COX15: variants seen among roughly 807,000 people sequenced by gnomAD.
The protein encoded by COX15 is heme A synthase COX15.
A neutral mutation model predicts 51.9 loss-of-function variants in COX15; 51 were observed. The observed-to-expected ratio is 0.98, with a 90% CI of 0.78 to 1.24. The LOEUF (loss-of-function observed/expected upper bound fraction) is 1.24. Among genes scored for constraint, COX15 ranks in the 50% most tolerant of loss-of-function variants. The pLI is 0.00. For missense variants in COX15, 420 were observed against 501.1 expected, an observed-to-expected ratio of 0.84 and a Z score of 1.55; for synonymous variants, 188 against 190.5, an observed-to-expected ratio of 0.99 and a Z score of 0.11.
chr10:99,698,969 C>T, the COX15 span: 1 of 1,008,344 alleles, frequency 9.9e-7, no homozygotes, highest in African/African-American at 1.6e-5. Context: ...CTCACTTGTT[C>T]TTTGCAGGAG....
chr10:99,718,406 G>T lies in COX15; in HGVS notation c.927C>A (p.Ser309=). 6.2e-7 allele frequency: 1 copy of T among 1,614,094 alleles called. No individual in the cohort carries two copies. Among genetic ancestry groups the T allele is most frequent in the Non-Finnish European group, 8.5e-7 (1 of 1,180,008 alleles). ...SWIPEDLFTF[S]PILRNVFENP... The stretch of plus-strand genomic sequence containing the variant: ...TCTCAAAAACATTCCTCAGGATGGG[G>T]GAGAAGGTAAAGAGGTCCTCCGGGA... Residue 309 remains serine, a synonymous_variant, in exon 7 of 9, where the codon TCC becomes TCA. Transcript: ENST00000016171.
chr10:99,713,261 C>A lies in COX15; in HGVS notation c.*1326G>T. 6.7e-7 allele frequency: 1 copy of A among 1,493,960 alleles called. No individual in the cohort carries two copies. 92.5% of individuals were successfully genotyped at this position (1,493,960 alleles called of 1,614,324 possible). A position where few individuals can be genotyped will look rare whatever the true frequency, so the allele number is the denominator to read the frequency against. On this transcript the variant is annotated 3_prime_UTR_variant, in exon 9 of 9. Transcript: ENST00000016171. ...TATGAAATGATATAAGGCCAGGTTT[C>A]TTCAGCCCAAACTTATACAACTTAT...
At position 99,732,121 on chromosome 10, in the gene COX15, G is replaced by T. The variant is rs546862921; in HGVS notation, c.-72C>A. 1 of 1,567,088 alleles carries T rather than the reference G, an allele frequency of 6.4e-7. No individual in the cohort carries two copies. The highest frequency in any genetic ancestry group is 8.7e-7 in the Non-Finnish European group (1 of 1,155,476). ...GGTCTCCCTCCTCCGCCAAGGAAAA[G>T]AGAAGCACTTCCGGGTCGGGCAGCG... On this transcript the variant is annotated 5_prime_UTR_variant, in exon 1 of 9. Transcript: ENST00000016171.
chr10:99,698,781 G>A, the COX15 span: 1 of 1,614,196 alleles, frequency 6.2e-7, no homozygotes, highest in South Asian at 1.1e-5. Context: ...CGGCTTCTCT[G>A]AGTTTTTTTA....
At chr10:99,717,217 C>T (rs1003474804) in intron 7 of COX15, among the ~76,000 whole-genome samples, 10 of 152,154 alleles carry the variant, frequency 6.6e-5, no homozygotes, top group African/African-American at 2.4e-4. Flanking sequence ...CAACATACCT[C>T]CATCTGATGA....
the COX15 span, chr10:99,704,718 C>T: frequency 4.3e-5 from 68 of 1,566,246 alleles, no homozygotes; most frequent in Middle Eastern, 1.8e-4. Flanking sequence ...TGAGCACCCC[C>T]GAGTTGCTGC....
rs556026559 is a variant in COX15, at chr10:99,718,400, G to C, written c.933C>G (p.Ile311Met). The change falls in exon 7 of 9, where the codon ATC becomes ATG. Residue 311 changes from isoleucine to methionine, a missense_variant. Ile to Met is a conservative substitution (Grantham distance 10). Transcript: ENST00000016171. ...TGGGATTCTCAAAAACATTCCTCAG[G>C]ATGGGGGAGAAGGTAAAGAGGTCCT... ...IPEDLFTFSP[I>M]LRNVFENPTM... 46 of 1,614,090 alleles carry C rather than the reference G, an allele frequency of 2.8e-5. No homozygotes were observed. In the Admixed American group the frequency reaches 7.7e-4, roughly 27 times the overall value.
Position 99,727,515 on chromosome 10 carries a change from C to T in COX15, c.321G>A (p.Glu107=). 1.2e-6 allele frequency: 2 copies of T among 1,613,834 alleles called. No homozygotes were observed. The highest frequency in any genetic ancestry group is 1.1e-5 in the South Asian group (1 of 91,080). The stretch of plus-strand genomic sequence containing the variant: ...CCTCTTGGCTTGTAGGTGGCTTCAT[C>T]TCCTTTATTAAATGCCAATCTACCA... The part of the protein sequence containing the change: ...LSMVDWHLIK[E]MKPPTSQEEW... Residue 107 remains glutamate (E), a synonymous_variant, in exon 3 of 9, where the codon GAG becomes GAA. Transcript: ENST00000016171.
Position 99,713,224 on chromosome 10 carries a change from C to T in COX15, c.*1363G>A, listed in dbSNP as rs1208388768. The T allele has an allele frequency of 1.0e-5, 14 of 1,399,738 alleles. No individual in the cohort carries two copies. Among genetic ancestry groups the T allele is most frequent in the Non-Finnish European group, 1.2e-5 (13 of 1,059,530 alleles). 86.7% of individuals were successfully genotyped at this position (1,399,738 alleles called of 1,614,324 possible). A position where few individuals can be genotyped will look rare whatever the true frequency, so the allele number is the denominator to read the frequency against. The stretch of plus-strand genomic sequence containing the variant: ...ATTGAACCTGAGGACAACTAAAATC[C>T]CGTCTTTTTTATATGAAATGATATA... On this transcript the variant is annotated 3_prime_UTR_variant, in exon 9 of 9. Transcript: ENST00000016171.
chr10:99,731,789 C>T (rs796906424), intron 1 of COX15, among the ~76,000 whole-genome samples, 171 bp downstream of exon 1: 3 of 152,370 alleles, frequency 2.0e-5, no homozygotes, highest in African/African-American at 7.2e-5. Flanking sequence ...CAATACCACA[C>T]AGCAGGTCAA....
intron 5 of COX15, among the ~76,000 whole-genome samples, chr10:99,721,464 A>G (rs2036768948): frequency 6.6e-6 from 1 of 152,222 alleles, no homozygotes; most frequent in Non-Finnish European, 1.5e-5. Flanking sequence ...CATGTGTGTG[A>G]TATTAGTGTT....
chr10:99,695,272 C>A, the COX15 span, among the ~76,000 whole-genome samples: 2 of 152,116 alleles, frequency 1.3e-5, no homozygotes, highest in Non-Finnish European at 2.9e-5. Context: ...CACCTGTAAT[C>A]CCAGCACTTT....
chr10:99,704,477 C>G, the COX15 span: 2 of 1,614,246 alleles, frequency 1.2e-6, no homozygotes, highest in Non-Finnish European at 1.7e-6. Flanking sequence ...AGGTGTCCGA[C>G]AAGCCCATGG....
chr10:99,727,076 A>C lies in COX15; in HGVS notation c.474T>G (p.Leu158=), dbSNP rs148525464. The change falls in exon 4 of 9, where the codon CTT becomes CTG. Residue 158 remains leucine (L), a synonymous_variant. Transcript: ENST00000016171. ...CAGGCAGGATGTACACAAGGCCTAC[A>C]AGGCGACCCCACATTCGGTGTGAGT... is the stretch of plus-strand genomic sequence containing the variant. ...MEYSHRMWGR[L]VGLVYILPAA... The C allele has an allele frequency of 6.2e-7, 1 of 1,614,204 alleles. No homozygotes were observed. The highest frequency in any genetic ancestry group is 8.5e-7 in the Non-Finnish European group (1 of 1,180,024).
At chr10:99,723,798 C>T (rs1021506096) in intron 5 of COX15, among the ~76,000 whole-genome samples, 158 bp downstream of exon 5, 10 of 152,152 alleles carry the variant, frequency 6.6e-5, no homozygotes. Context: ...TGTTGGTACT[C>T]CCTCCCACTC....
chr10:99,720,840 C>G (rs1210987599), intron 6 of COX15, 147 bp downstream of exon 6: 2 of 590,388 alleles, frequency 3.4e-6, no homozygotes, highest in African/African-American at 9.9e-5. Context: ...GAGAAAGGAA[C>G]AGGAAACAGG....
At chr10:99,695,992 C>G in the COX15 span, 1 of 1,613,578 alleles carries the variant, frequency 6.2e-7, no homozygotes, top group Middle Eastern at 1.7e-4. Context: ...TGAGTTCAAC[C>G]TGGGCTGTGA....
chr10:99,718,536 G>A, intron 6 of COX15, 36 bp from the exon 7 acceptor site: 1 of 1,609,920 alleles, frequency 6.2e-7, no homozygotes, highest in Non-Finnish European at 8.5e-7. Flanking sequence ...ATTAAAATGA[G>A]AGGAAGAAGA....
rs775510271 is a variant in COX15 at position 99,729,666 on chromosome 10, A to G, written c.159T>C (p.Ser53=). The G allele has an allele frequency of 1.2e-6, 2 of 1,614,162 alleles. No individual in the cohort carries two copies. Among genetic ancestry groups the G allele is most frequent in the Admixed American group, 3.3e-5 (2 of 60,026 alleles). The change falls in exon 2 of 9, where the codon TCT becomes TCC. Residue 53 remains serine (S), a synonymous_variant. Transcript: ENST00000016171. The part of the protein sequence containing the change: ...YSTISEVALQ[S]GRGTVSLPSK... ...AGGGAAGGGACACTGTACCCCTTCC[A>G]GATTGCAAAGCTACTTCAGAGATGG...
Sources: gnomAD v4.1 joint callset for allele counts (sites outside exome capture counted in the v4.1 genomes callset) on GRCh38, gnomAD v4.1.1 for gene constraint, MANE v1.5 for transcripts, NCBI Gene and HGNC (gene_info 2026-07-23, HGNC 2026-07-21) for gene names.